Variants in TMEM255B observed in about 807,000 individuals in gnomAD.
TMEM255B encodes transmembrane protein 255B, also known as family with sequence similarity 70, member B.
In TMEM255B, 35 loss-of-function variants were observed where a neutral mutation model predicts 34.5. The observed-to-expected ratio is 1.01, with a 90% CI of 0.77 to 1.34. The LOEUF (loss-of-function observed/expected upper bound fraction) is 1.34. TMEM255B is among the 40% of genes most tolerant of loss of function. TMEM255B has a pLI of 0.00. For missense variants in TMEM255B, 432 were observed against 433.2 expected (o/e 1.00, Z 0.02); for synonymous variants, 206 against 201.2 (o/e 1.02, Z -0.20).
rs576342420 is a variant in TMEM255B, at chr13:113,776,378, CAG to C, written c.252+7219_252+7220del. Among the ~76,000 whole-genome samples, 20 of 152,302 alleles carry C rather than the reference CAG, an allele frequency of 1.3e-4. 1 individual carries two copies. Among genetic ancestry groups the C allele is most frequent in the South Asian group, 1.2e-3 (6 of 4,826 alleles). On this transcript the variant is annotated intron_variant, in intron 3 of 8. Coordinates refer to ENST00000375353, the MANE Select transcript of TMEM255B (RefSeq NM_182614.4). ...CCTGTGGGATCGTGCACCTGCCACT[CAG>C]GGGCTGACTCGGCGGCTCTGGTTTC...
chr13:113,786,689 G>A (rs967838088), intron 3 of TMEM255B, among the ~76,000 whole-genome samples: 5 of 151,690 alleles, frequency 3.3e-5, no homozygotes, highest in South Asian at 2.1e-4. Context: ...CACCATCACC[G>A]TCATCACTGT....
At chr13:113,777,423 G>C (rs2050597472) in intron 3 of TMEM255B, among the ~76,000 whole-genome samples, 1 of 152,184 alleles carries the variant, frequency 6.6e-6, no homozygotes, top group African/African-American at 2.4e-5. Context: ...CCCGTTCCCA[G>C]TACAGGGCTG....
At position 113,776,281 on chromosome 13, in the gene TMEM255B, C is replaced by G. The variant is rs2050576407; in HGVS notation, c.252+7121C>G. Among the ~76,000 whole-genome samples the G allele has an allele frequency of 2.0e-5, 3 of 152,352 alleles. No individual in the cohort carries two copies. The South Asian group carries it at 6.2e-4, about 32-fold the overall frequency. The stretch of plus-strand genomic sequence containing the variant: ...CCTTCTTTTCTGGCTGCCTGGGCAT[C>G]TGCCACGGAAACTAGGTCTAGTTAC... On this transcript the variant is annotated intron_variant, in intron 3 of 8. Transcript: ENST00000375353.
In TMEM255B at chr13:113,812,447, C is replaced by T. The variant is rs2051330800; in HGVS notation, c.*544C>T. 1 of 153,132 alleles carries T rather than the reference C, an allele frequency of 6.5e-6. No homozygotes were observed. The highest frequency in any genetic ancestry group is 6.5e-5 in the Admixed American group (1 of 15,428). 9.5% of individuals were successfully genotyped at this position (153,132 alleles called of 1,614,324 possible). A position where few individuals can be genotyped will look rare whatever the true frequency, so the allele number is the denominator to read the frequency against. ...TAACCGCCTGTGAGTTGTTAGAATC[C>T]AGGGGCCCGGTTGTCTTTCCCAGCC... is the stretch of plus-strand genomic sequence containing the variant. On this transcript the variant is annotated 3_prime_UTR_variant, in exon 9 of 9. Coordinates refer to ENST00000375353, the MANE Select transcript of TMEM255B (RefSeq NM_182614.4).
intron 7 of TMEM255B, among the ~76,000 whole-genome samples, chr13:113,804,464 A>G (rs1398774512): frequency 6.6e-6 from 1 of 152,196 alleles, no homozygotes; most frequent in East Asian, 1.9e-4. Flanking sequence ...CCAAAAAATC[A>G]AAAAAGTAAA....
intron 2 of TMEM255B, 57 bp downstream of exon 2, chr13:113,766,314 C>T: frequency 6.2e-7 from 1 of 1,609,754 alleles, no homozygotes; most frequent in East Asian, 2.2e-5. Flanking sequence ...GTGTGGCTCT[C>T]TCAGGGTGGA....
At position 113,813,383 on chromosome 13, in the gene TMEM255B, G is replaced by A. The variant is rs1290499069; in HGVS notation, c.*1480G>A. The A allele has an allele frequency of 2.0e-5, 3 of 152,268 alleles. No individual in the cohort carries two copies. Among genetic ancestry groups the A allele is most frequent in the African/African-American group, 7.2e-5 (3 of 41,452 alleles). The allele number at this position is 152,268 out of a possible 1,614,324, so 9.4% of individuals were successfully genotyped here. On this transcript the variant is annotated 3_prime_UTR_variant, in exon 9 of 9. Transcript: ENST00000375353. ...ACAAGTACCGCTCTTCTCCCGTGTG[G>A]GTCTGAGGTCTCCAGCTTACTTCAC...
intron 6 of TMEM255B, 103 bp downstream of exon 6, chr13:113,801,015 C>T: frequency 2.6e-6 from 1 of 387,512 alleles, no homozygotes; most frequent in Non-Finnish European, 3.7e-6. Flanking sequence ...CTGGGGACCC[C>T]TATATCTACA....
chr13:113,768,460 G>A (rs1458453669), intron 2 of TMEM255B, among the ~76,000 whole-genome samples: 1 of 152,212 alleles, frequency 6.6e-6, no homozygotes, highest in Non-Finnish European at 1.5e-5. Flanking sequence ...GGGGCTTCCT[G>A]TGGAGTAAGG....
chr13:113,790,655 C>T (rs933187278), intron 3 of TMEM255B, among the ~76,000 whole-genome samples: 3 of 145,766 alleles, frequency 2.1e-5, no homozygotes, highest in Admixed American at 6.8e-5. Flanking sequence ...GTGGACTGAC[C>T]GGACACGTGG....
At chr13:113,802,237 G>C (rs910709363) in intron 7 of TMEM255B, among the ~76,000 whole-genome samples, 22 of 152,226 alleles carry the variant, frequency 1.4e-4, no homozygotes, top group Non-Finnish European at 1.5e-5. Context: ...GGCAGGAGGA[G>C]GGAGGGAAGG....
intron 8 of TMEM255B, among the ~76,000 whole-genome samples, chr13:113,810,852 G>A (rs1200103923): frequency 1.3e-5 from 2 of 152,244 alleles, no homozygotes; most frequent in Non-Finnish European, 2.9e-5. Context: ...CCAGCCACAC[G>A]CTGCTGGACG....
intron 3 of TMEM255B, among the ~76,000 whole-genome samples, chr13:113,794,271 C>T (rs891342256): frequency 1.2e-4 from 18 of 152,146 alleles, no homozygotes; most frequent in African/African-American, 3.6e-4. Context: ...TGAGTCTGGA[C>T]GAGCACCCAC....
chr13:113,797,575 G>A (rs544228445), intron 4 of TMEM255B, among the ~76,000 whole-genome samples: 3 of 152,322 alleles, frequency 2.0e-5, no homozygotes, highest in Admixed American at 6.5e-5. Context: ...TCTCATGTCT[G>A]TCCCCTCAGG....
intron 3 of TMEM255B, 44 bp from the exon 4 acceptor site, chr13:113,795,104 G>A (rs748606085): frequency 9.4e-6 from 15 of 1,589,870 alleles, no homozygotes; most frequent in Non-Finnish European, 1.2e-5. Flanking sequence ...TTGAAAACCG[G>A]GGTTGGTAAA....
chr13:113,782,002 C>T (rs2050672372), intron 3 of TMEM255B, among the ~76,000 whole-genome samples: 1 of 152,196 alleles, frequency 6.6e-6, no homozygotes. Context: ...TAGAATTTAA[C>T]ACTCCAAAAT....
chr13:113,804,645 G>A (rs866174220), intron 7 of TMEM255B, among the ~76,000 whole-genome samples: 408 of 141,418 alleles, frequency 2.9e-3, no homozygotes, highest in African/African-American at 0.01. Flanking sequence ...AACGCACGCC[G>A]GGCCGGGGTT....
At position 113,800,913 on chromosome 13, in the gene TMEM255B, G is replaced by A; in HGVS notation, c.509+1G>A. 1.7e-6 allele frequency: 2 copies of A among 1,207,118 alleles called. No individual in the cohort carries two copies. Among genetic ancestry groups the A allele is most frequent in the Non-Finnish European group, 2.3e-6 (2 of 883,200 alleles). The allele number at this position is 1,207,118 out of a possible 1,614,324, so 74.8% of individuals were successfully genotyped here. A position where few individuals can be genotyped will look rare whatever the true frequency, so the allele number is the denominator to read the frequency against. Reference sequence around the variant, plus strand: ...GCTGTGACCTCTATGCCTGCGGGAGGTGAGGGGCACCGGGGACCCCCATAT... The same window carrying A: ...GCTGTGACCTCTATGCCTGCGGGAGATGAGGGGCACCGGGGACCCCCATAT... On this transcript the variant is annotated splice_donor_variant, in intron 6 of 8. Coordinates refer to ENST00000375353, the MANE Select transcript of TMEM255B (RefSeq NM_182614.4). LOFTEE classifies it high-confidence loss of function.
chr13:113,775,305 G>A (rs2050557904), intron 3 of TMEM255B, among the ~76,000 whole-genome samples: 1 of 152,230 alleles, frequency 6.6e-6, no homozygotes, highest in Admixed American at 6.5e-5. Context: ...GCTGGAGGGT[G>A]AGGTCTCGGC....
Sources: gnomAD v4.1 joint callset for allele counts (sites outside exome capture counted in the v4.1 genomes callset) on GRCh38, gnomAD v4.1.1 for gene constraint, MANE v1.5 for transcripts, NCBI Gene and HGNC (gene_info 2026-07-23, HGNC 2026-07-21) for gene names.